Variants in PLEKHA5 observed in about 807,000 individuals in gnomAD.
PLEKHA5 encodes pleckstrin homology domain containing A5.
A neutral mutation model predicts 181.9 loss-of-function variants in PLEKHA5; 55 were observed. The ratio of observed to expected loss-of-function variants is 0.30; its 90% CI spans 0.24 to 0.38. PLEKHA5 has a LOEUF of 0.38. Ranked by LOEUF, PLEKHA5 falls within the 10% of genes least tolerant of loss-of-function variation. PLEKHA5 has a pLI of 1.00. For missense variants in PLEKHA5, 1,432 were observed against 1,549.5 expected, an observed-to-expected ratio of 0.92 and a Z score of 1.27; for synonymous variants, 535 against 529.4, an observed-to-expected ratio of 1.01 and a Z score of -0.15.
At chr12:19,215,292 GT>G (rs989915882) in intron 3 of PLEKHA5, among the ~76,000 whole-genome samples, 1 of 151,600 alleles carries the variant, frequency 6.6e-6, no homozygotes, top group Non-Finnish European at 1.5e-5. Context: ...CTAGCCAAAA[GT>G]TTTTTTTTAA....
At chr12:19,178,421 C>T (rs542643687) in intron 3 of PLEKHA5, among the ~76,000 whole-genome samples, 121 of 152,240 alleles carry the variant, frequency 7.9e-4, no homozygotes, top group Non-Finnish European at 1.4e-3. Context: ...AAAGAAGTCA[C>T]AAGTTAGAGA....
chr12:19,285,292 G>A (rs2076988100), intron 12 of PLEKHA5, among the ~76,000 whole-genome samples: 1 of 152,090 alleles, frequency 6.6e-6, no homozygotes, highest in Admixed American at 6.6e-5. Context: ...ATGCTCTCAT[G>A]GTTAATAGTA....
intron 3 of PLEKHA5, chr12:19,201,849 G>A (rs748017318): frequency 3.2e-4 from 50 of 157,224 alleles, no homozygotes; most frequent in Non-Finnish European, 5.6e-4. Context: ...GAATTTTTTT[G>A]TGGTGATAGA....
At chr12:19,182,825 G>A (rs1437871930) in intron 3 of PLEKHA5, among the ~76,000 whole-genome samples, 1 of 152,148 alleles carries the variant, frequency 6.6e-6, no homozygotes, top group Non-Finnish European at 1.5e-5. Context: ...AGACTGAATA[G>A]GATAAGGTTT....
chr12:19,251,359 A>G (rs981996186), intron 3 of PLEKHA5, among the ~76,000 whole-genome samples: 2 of 150,700 alleles, frequency 1.3e-5, no homozygotes, highest in African/African-American at 4.9e-5. Flanking sequence ...GTGATCTGAG[A>G]TTGCGCCACT....
At chr12:19,349,729 A>AACC (rs1310886977) in intron 25 of PLEKHA5, among the ~76,000 whole-genome samples, 1 of 150,164 alleles carries the variant, frequency 6.7e-6, no homozygotes, top group Non-Finnish European at 1.5e-5. Context: ...CAACAACAAC[A>AACC]ACCAGAAACA....
intron 3 of PLEKHA5, among the ~76,000 whole-genome samples, chr12:19,175,850 T>G (rs959208090): frequency 6.6e-6 from 1 of 152,208 alleles, no homozygotes; most frequent in African/African-American, 2.4e-5. Flanking sequence ...ACAAACATAT[T>G]TAGTACCAAG....
rs149335496 is a variant in PLEKHA5, at chr12:19,171,133, T to C, written c.227+38683T>C. Among the ~76,000 whole-genome samples the C allele has an allele frequency of 1.8e-3, 268 of 152,334 alleles. 4 individuals carry two copies. The East Asian group carries it at 0.027, about 15-fold the overall frequency. ...ACCCCAGACACCTTGACTTGACTTA[T>C]AAAGGGGCTCTATAGAGAGACTACT... On this transcript the variant is annotated intron_variant, in intron 3 of 31. Transcript: ENST00000429027.
chr12:19,281,454 G>T (rs1351246352), intron 11 of PLEKHA5, among the ~76,000 whole-genome samples: 1 of 151,774 alleles, frequency 6.6e-6, no homozygotes, highest in African/African-American at 2.4e-5. Context: ...GCTGGTGCCT[G>T]TAGTCCCAGC....
chr12:19,211,911 G>A (rs773601340), intron 3 of PLEKHA5, among the ~76,000 whole-genome samples: 1 of 152,130 alleles, frequency 6.6e-6, no homozygotes, highest in Non-Finnish European at 1.5e-5. Flanking sequence ...GGCCTGCTTG[G>A]GGATTTGGCT....
intron 20 of PLEKHA5, among the ~76,000 whole-genome samples, chr12:19,324,527 C>A (rs2091650680): frequency 6.6e-6 from 1 of 151,992 alleles, no homozygotes; most frequent in Non-Finnish European, 1.5e-5. Context: ...AAATCCAGAT[C>A]TTCTTACCAC....
intron 3 of PLEKHA5, among the ~76,000 whole-genome samples, chr12:19,175,874 A>G (rs1299536148): frequency 6.6e-6 from 1 of 152,210 alleles, no homozygotes; most frequent in African/African-American, 2.4e-5. Flanking sequence ...CAATTAAAGT[A>G]TATTGGGAGT....
intron 21 of PLEKHA5, 66 bp from the exon 22 acceptor site, chr12:19,343,257 T>G (rs774551527): frequency 1.2e-6 from 1 of 817,828 alleles, no homozygotes; most frequent in Non-Finnish European, 1.9e-6. Flanking sequence ...ATAATTAATA[T>G]ATAATCATTT....
At chr12:19,178,897 G>A (rs1186920704) in intron 3 of PLEKHA5, among the ~76,000 whole-genome samples, 1 of 152,206 alleles carries the variant, frequency 6.6e-6, no homozygotes, top group Non-Finnish European at 1.5e-5. Context: ...GTGGAGTGCT[G>A]TTGGATATAT....
chr12:19,372,015 T>C (rs377539708), intron 31 of PLEKHA5: 2 of 152,288 alleles, frequency 1.3e-5, no homozygotes, highest in South Asian at 2.1e-4. Flanking sequence ...TTTTTTTTTG[T>C]TTTTGAGATG....
Position 19,314,796 on chromosome 12 carries a change from C to T in PLEKHA5, c.2038-18C>T. ...TGTAAACTGATGTTTGCTGTATGCTCCTCCTGATTTGAAATAGATGAAAGA... is the reference window on the plus strand; with the variant it reads ...TGTAAACTGATGTTTGCTGTATGCTTCTCCTGATTTGAAATAGATGAAAGA... On this transcript the variant is annotated intron_variant, in intron 15 of 31. Coordinates refer to ENST00000429027, the MANE Select transcript of PLEKHA5 (RefSeq NM_001256470.2). The T allele has an allele frequency of 1.4e-6, 2 of 1,393,762 alleles. No homozygotes were observed. The highest frequency in any genetic ancestry group is 1.0e-6 in the Non-Finnish European group (1 of 1,003,280). The allele number at this position is 1,393,762 out of a possible 1,614,324, so 86.3% of individuals were successfully genotyped here. A position where few individuals can be genotyped will look rare whatever the true frequency, so the allele number is the denominator to read the frequency against.
chr12:19,371,557 T>A (rs185476798), intron 31 of PLEKHA5: 1 of 175,134 alleles, frequency 5.7e-6, no homozygotes, highest in Admixed American at 6.0e-5. Context: ...TGAGAACATA[T>A]GATATTTGGT....
At chr12:19,181,362 A>G (rs1203198288) in intron 3 of PLEKHA5, among the ~76,000 whole-genome samples, 1 of 152,252 alleles carries the variant, frequency 6.6e-6, no homozygotes, top group African/African-American at 2.4e-5. Flanking sequence ...ATAAAGCACA[A>G]TAATTGTATA....
chr12:19,189,056 G>A (rs4764469), intron 3 of PLEKHA5, among the ~76,000 whole-genome samples: 135,078 of 152,150 alleles, frequency 0.89, 60,813 homozygotes, highest in Non-Finnish European at 0.97. Flanking sequence ...GTTTAAATGG[G>A]TTGAACCTGA....
Sources: allele counts gnomAD v4.1 joint callset (sites outside exome capture counted in the v4.1 genomes callset), GRCh38; gene constraint gnomAD v4.1.1; transcripts MANE v1.5; gene names NCBI Gene and HGNC (gene_info 2026-07-23, HGNC 2026-07-21).